Variants in HPS3 observed in about 807,000 individuals in gnomAD.
HPS3 encodes HPS3 biogenesis of lysosomal organelles complex 2 subunit 1.
In HPS3, 79 loss-of-function variants were observed where a neutral mutation model predicts 110.9. The ratio of observed to expected loss-of-function variants is 0.71; its 90% confidence interval spans 0.59 to 0.86. The LOEUF (loss-of-function observed/expected upper bound fraction) is 0.86. Among genes scored for constraint, HPS3 ranks in the 40% least tolerant of loss-of-function variants. HPS3 has a pLI of 0.00. For missense variants in HPS3, 1,197 were observed against 1,206.2 expected (o/e 0.99, Z 0.11); for synonymous variants, 428 against 451.0 (o/e 0.95, Z 0.65).
intron 10 of HPS3, 145 bp downstream of exon 10, chr3:149,158,991 TC>T: frequency 1.6e-6 from 1 of 632,680 alleles, no homozygotes; most frequent in South Asian, 2.0e-5. Flanking sequence ...GACCTTTTCT[TC>T]ATTAATGAAG....
At chr3:149,150,566 A>G in intron 5 of HPS3, 33 bp from the exon 6 acceptor site, 1 of 1,593,134 alleles carries the variant, frequency 6.3e-7, no homozygotes, top group Non-Finnish European at 8.6e-7. Flanking sequence ...TCTTGGCCTC[A>G]CTTTGCTCAG....
intron 1 of HPS3, among the ~76,000 whole-genome samples, chr3:149,131,009 G>A (rs926851889): frequency 1.3e-5 from 2 of 151,870 alleles, no homozygotes; most frequent in South Asian, 4.1e-4. Flanking sequence ...TGGTGGCTAT[G>A]CTATTAATGA....
chr3:149,166,140 T>C (rs549470945), intron 14 of HPS3: 8 of 396,552 alleles, frequency 2.0e-5, no homozygotes, highest in African/African-American at 1.7e-4. Context: ...ATTATTTTGG[T>C]GGTAGAATCA....
chr3:149,146,347 A>C (rs950374917), intron 5 of HPS3, among the ~76,000 whole-genome samples: 2 of 152,202 alleles, frequency 1.3e-5, no homozygotes, highest in Non-Finnish European at 2.9e-5. Context: ...ACCTCATGAA[A>C]GTGCCATTGA....
chr3:149,160,329 A>G (rs1723707370), intron 11 of HPS3, 50 bp downstream of exon 11: 7 of 1,203,972 alleles, frequency 5.8e-6, no homozygotes, highest in Middle Eastern at 1.9e-4. Flanking sequence ...GGACCTGGTA[A>G]TCCTGAAGTG....
chr3:149,151,661 T>A (rs907546403), intron 6 of HPS3, among the ~76,000 whole-genome samples: 3 of 150,306 alleles, frequency 2.0e-5, no homozygotes, highest in African/African-American at 2.5e-5. Context: ...ATGTTGAGAT[T>A]CGGTGTTTTC....
intron 4 of HPS3, among the ~76,000 whole-genome samples, chr3:149,142,479 T>C (rs1346764370): frequency 6.6e-6 from 1 of 152,168 alleles, no homozygotes; most frequent in Non-Finnish European, 1.5e-5. Flanking sequence ...ATGCAAGATA[T>C]CAGTTACAGG....
chr3:149,162,305 G>T lies in HPS3; in HGVS notation c.2264G>T (p.Gly755Val), dbSNP rs1405190453. The change falls in exon 12 of 17, where the codon GGA becomes GTA. Residue 755 changes from glycine (G) to valine (V), a missense_variant. Transcript: ENST00000296051. ...VLGLQKNNKI[G>V]IEEADSFFKV... ...GGCTTGCAGAAGAACAACAAAATTG[G>T]AATTGAAGAAGCAGATTCCTTTTTT... 3.7e-6 allele frequency: 6 copies of T among 1,613,824 alleles called. No homozygotes were observed. The East Asian group carries it at 1.3e-4, about 36-fold the overall frequency.
intron 1 of HPS3, among the ~76,000 whole-genome samples, chr3:149,131,122 T>G (rs1256294199): frequency 7.2e-6 from 1 of 138,706 alleles, no homozygotes; most frequent in Non-Finnish European, 1.5e-5. Flanking sequence ...GAGTTTATGT[T>G]AAAAAAAAAA....
chr3:149,149,241 G>C (rs1722963077), intron 5 of HPS3, among the ~76,000 whole-genome samples: 1 of 151,482 alleles, frequency 6.6e-6, no homozygotes, highest in Non-Finnish European at 1.5e-5. Flanking sequence ...GGGATTACAG[G>C]CTTGAGCCAC....
rs1723373767 is a variant in HPS3, at chr3:149,155,219, C to T, written c.1509+4C>T. 7 of 1,381,914 alleles carry T rather than the reference C, an allele frequency of 5.1e-6. No homozygotes were observed. The highest frequency in any genetic ancestry group is 1.4e-5 in the African/African-American group (1 of 69,720). The allele number at this position is 1,381,914 out of a possible 1,614,324, so 85.6% of individuals were successfully genotyped here. A position where few individuals can be genotyped will look rare whatever the true frequency, so the allele number is the denominator to read the frequency against. Reference sequence around the variant, plus strand: ...AGTGCAGCTGTACAAAGAGATGGTACTCTTTTCAAACTTCTGATTCTTGTT... The same window carrying T: ...AGTGCAGCTGTACAAAGAGATGGTATTCTTTTCAAACTTCTGATTCTTGTT... On this transcript the variant is annotated splice_donor_region_variant and intron_variant, in intron 8 of 16. Coordinates refer to ENST00000296051, the MANE Select transcript of HPS3 (RefSeq NM_032383.5).
At chr3:149,138,564 C>A (rs1440430151) in intron 1 of HPS3, among the ~76,000 whole-genome samples, 2 of 152,110 alleles carry the variant, frequency 1.3e-5, no homozygotes, top group Non-Finnish European at 2.9e-5. Context: ...GGAAAAGATA[C>A]ATATAGTATA....
intron 11 of HPS3, among the ~76,000 whole-genome samples, chr3:149,160,807 C>T (rs571406430): frequency 3.9e-5 from 6 of 152,244 alleles, no homozygotes; most frequent in Admixed American, 1.3e-4. Flanking sequence ...ATCATTTAAG[C>T]GAAGAAAATA....
At position 149,172,584 on chromosome 3, in the gene HPS3, G is replaced by T. The variant is rs1466286404; in HGVS notation, c.*362G>T. On this transcript the variant is annotated 3_prime_UTR_variant, in exon 17 of 17. Coordinates refer to ENST00000296051, the MANE Select transcript of HPS3 (RefSeq NM_032383.5). ...GACATGACAATCATTTTCATCCCAAGAACACTTTAAGGAAACATTTTACAA... is the reference window on the plus strand; with the variant it reads ...GACATGACAATCATTTTCATCCCAATAACACTTTAAGGAAACATTTTACAA... 1.1e-5 allele frequency: 2 copies of T among 174,984 alleles called. No individual in the cohort carries two copies. The highest frequency in any genetic ancestry group is 1.1e-4 in the Admixed American group (2 of 17,574). The allele number at this position is 174,984 out of a possible 1,614,324, so 10.8% of individuals were successfully genotyped here.
intron 5 of HPS3, among the ~76,000 whole-genome samples, chr3:149,147,020 G>A (rs116700958): frequency 0.021 from 3,230 of 152,174 alleles, 68 homozygotes; most frequent in African/African-American, 0.056. Flanking sequence ...ATTAAGGGGC[G>A]GTATTCAGGC....
intron 9 of HPS3, among the ~76,000 whole-genome samples, chr3:149,157,989 A>G (rs1004178818): frequency 3.3e-5 from 5 of 152,222 alleles, no homozygotes; most frequent in African/African-American, 1.2e-4. Context: ...TAATACATAC[A>G]TGATTATAAA....
At position 149,155,157 on chromosome 3, in the gene HPS3, C is replaced by T; in HGVS notation, c.1451C>T (p.Ala484Val). The T allele has an allele frequency of 1.2e-6, 2 of 1,610,672 alleles. No individual in the cohort carries two copies. The highest frequency in any genetic ancestry group is 1.7e-6 in the Non-Finnish European group (2 of 1,176,926). Residue 484 changes from alanine to valine, a missense_variant, in exon 8 of 17, where the codon GCT becomes GTT. By Grantham distance (64) the Ala-to-Val change is moderately conservative. Coordinates refer to ENST00000296051, the MANE Select transcript of HPS3 (RefSeq NM_032383.5). Reference sequence around the variant, plus strand: ...ATCAAAATACCTCCTGTAGCTGAGGCTGGGTGGAATTTGTATATTGTGAAT... The same window carrying T: ...ATCAAAATACCTCCTGTAGCTGAGGTTGGGTGGAATTTGTATATTGTGAAT... ...VKIKIPPVAE[A>V]GWNLYIVNTI...
At chr3:149,167,673 A>G (rs1053655367) in intron 15 of HPS3, among the ~76,000 whole-genome samples, 1 of 152,162 alleles carries the variant, frequency 6.6e-6, no homozygotes, top group Admixed American at 6.5e-5. Context: ...TATGTACAAT[A>G]TATGTATTAC....
Position 149,157,444 on chromosome 3 carries a change from A to T in HPS3, c.1604A>T (p.Asp535Val). Residue 535 changes from aspartate to valine, a missense_variant, in exon 9 of 17, where the codon GAT becomes GTT. By Grantham distance (152) the Asp-to-Val change is radical. Transcript: ENST00000296051. ...CTGTTAGTGCGAGCTGCCCTGATGG[A>T]TGCCAGTCAGCTGGAACCTGGAGAG... is the stretch of plus-strand genomic sequence containing the variant. ...AHLLVRAALM[D>V]ASQLEPGEKA... 6.2e-7 allele frequency: 1 copy of T among 1,613,908 alleles called. No homozygotes were observed.
Sources: allele counts gnomAD v4.1 joint callset (sites outside exome capture counted in the v4.1 genomes callset), GRCh38; gene constraint gnomAD v4.1.1; transcripts MANE v1.5; gene names NCBI Gene and HGNC (gene_info 2026-07-23, HGNC 2026-07-21).